The following SYF2 variants were observed in gnomAD, a reference collection of about 807,000 sequenced individuals.
The protein encoded by SYF2 is SYF2 pre-mRNA splicing factor.
A neutral mutation model predicts 32.7 loss-of-function variants in SYF2; 21 were observed. That is an observed-to-expected ratio of 0.64 (90% CI 0.45 to 0.92). The LOEUF (loss-of-function observed/expected upper bound fraction) is 0.92, where lower values mean the gene tolerates loss of function less well. Among genes scored for constraint, SYF2 ranks in the 40% least tolerant of loss-of-function variants. The pLI is 0.00. For synonymous variants in SYF2, 114 were observed against 103.9 expected, an observed-to-expected ratio of 1.10 and a Z score of -0.59; for missense variants, 278 against 296.5, an observed-to-expected ratio of 0.94 and a Z score of 0.46.
At chr1:25,228,331 A>G in intron 3 of SYF2, 96 bp from the exon 4 acceptor site, 1 of 1,062,498 alleles carries the variant, frequency 9.4e-7, no homozygotes. Flanking sequence ...ATCAACCAAT[A>G]CTTTAATAGT....
intron 5 of SYF2, among the ~76,000 whole-genome samples, chr1:25,226,787 C>A (rs1240825054): frequency 6.6e-6 from 1 of 152,094 alleles, no homozygotes; most frequent in Non-Finnish European, 1.5e-5. Context: ...GAGTTTGAGA[C>A]AGCCTGAGCA....
At chr1:25,225,616 T>C (rs893746847) in intron 5 of SYF2, among the ~76,000 whole-genome samples, 5 of 151,392 alleles carry the variant, frequency 3.3e-5, no homozygotes, top group African/African-American at 4.9e-5. Flanking sequence ...TCCCAGCACT[T>C]TGGGAGGCTG....
chr1:25,229,150 C>G lies in SYF2; in HGVS notation c.133-27G>C, dbSNP rs1011625806. 23 of 1,603,478 alleles carry G rather than the reference C, an allele frequency of 1.4e-5. No homozygotes were observed. The Admixed American group carries it at 2.4e-4, about 17-fold the overall frequency. ...TAAAACCGTAACACAAGAAGTCTGTCAGCTAAAACATGAAAATAAATCCAG... is the reference window on the plus strand; with the variant it reads ...TAAAACCGTAACACAAGAAGTCTGTGAGCTAAAACATGAAAATAAATCCAG... On this transcript the variant is annotated intron_variant, in intron 2 of 6. Coordinates refer to ENST00000236273, the MANE Select transcript of SYF2 (RefSeq NM_015484.5).
At chr1:25,230,373 T>C (rs542354162) in intron 2 of SYF2, 6 of 151,398 alleles carry the variant, frequency 4.0e-5, no homozygotes, top group Admixed American at 6.6e-5. Context: ...GCAAAATGAG[T>C]GTATCGTCTT....
At chr1:25,228,971 A>C in intron 3 of SYF2, 27 bp downstream of exon 3, 1 of 1,603,592 alleles carries the variant, frequency 6.2e-7, no homozygotes, top group Non-Finnish European at 8.5e-7. Context: ...TGACTAAATC[A>C]CTTATGAAGA....
intron 5 of SYF2, 34 bp from the exon 6 acceptor site, chr1:25,225,134 C>T (rs765590898): frequency 7.4e-7 from 1 of 1,359,852 alleles, no homozygotes; most frequent in Admixed American, 1.7e-5. Context: ...TACAGTAACA[C>T]TATAAATGCT....
In SYF2 at chr1:25,222,278, A is replaced by G. The variant is rs992984083; in HGVS notation, c.*988T>C. Among the ~76,000 whole-genome samples the G allele has an allele frequency of 1.3e-5, 2 of 152,174 alleles. No individual in the cohort carries two copies. Among genetic ancestry groups the G allele is most frequent in the African/African-American group, 4.8e-5 (2 of 41,436 alleles). On this transcript the variant is annotated 3_prime_UTR_variant, in exon 7 of 7. Coordinates refer to ENST00000236273, the MANE Select transcript of SYF2 (RefSeq NM_015484.5). Reference sequence around the variant, plus strand: ...TCTTTGAATTTAAAATATCCCAATTAGATATTTAGCATTTAATTCAACATA... The same window carrying G: ...TCTTTGAATTTAAAATATCCCAATTGGATATTTAGCATTTAATTCAACATA...
intron 3 of SYF2, among the ~76,000 whole-genome samples, chr1:25,228,588 G>A (rs925883220): frequency 6.6e-6 from 1 of 152,074 alleles, no homozygotes. Context: ...GCCAGCCTCG[G>A]CCTCCCAAAA....
chr1:25,225,047 G>A lies in SYF2; in HGVS notation c.521C>T (p.Pro174Leu). The change falls in exon 6 of 7, where the codon CCT (proline) becomes CTT (leucine). Residue 174 changes from proline to leucine, a missense_variant. Transcript: ENST00000236273. ...SNSLLHGTHV[P>L]STEEIDRMVI... ...CATCCTGTCAATTTCCTCTGTGGAA[G>A]GCACATGTGTTCCATGAAGAAGACT... 1 of 1,614,034 alleles carries A rather than the reference G, an allele frequency of 6.2e-7. No individual in the cohort carries two copies. Among genetic ancestry groups the A allele is most frequent in the Non-Finnish European group, 8.5e-7 (1 of 1,179,968 alleles).
Position 25,225,051 on chromosome 1 carries a change from C to T in SYF2, c.517G>A (p.Val173Met), listed in dbSNP as rs1356131101. 13 of 1,614,086 alleles carry T rather than the reference C, an allele frequency of 8.1e-6. No homozygotes were observed. Among genetic ancestry groups the T allele is most frequent in the African/African-American group, 5.3e-5 (4 of 75,040 alleles). ...CTGTCAATTTCCTCTGTGGAAGGCA[C>T]ATGTGTTCCATGAAGAAGACTATTG... ...TSNSLLHGTH[V>M]PSTEEIDRMV... is the part of the protein sequence containing the mutation. Residue 173 changes from valine to methionine, a missense_variant, in exon 6 of 7, where the codon GTG becomes ATG. Coordinates refer to ENST00000236273, the MANE Select transcript of SYF2 (RefSeq NM_015484.5).
chr1:25,228,304 A>C, intron 3 of SYF2, 69 bp from the exon 4 acceptor site: 1 of 1,267,508 alleles, frequency 7.9e-7, no homozygotes, highest in South Asian at 1.2e-5. Flanking sequence ...CTTTACATCA[A>C]GAAAGATCCA....
rs374329803 is a variant in SYF2, at chr1:25,228,925, C to A, written c.258+73G>T. 2.4e-4 allele frequency: 374 copies of A among 1,546,870 alleles called. 2 individuals are homozygous for A. Among genetic ancestry groups the A allele is most frequent in the Middle Eastern group, 2.2e-3 (10 of 4,550 alleles). On this transcript the variant is annotated intron_variant, in intron 3 of 6. Coordinates refer to ENST00000236273, the MANE Select transcript of SYF2 (RefSeq NM_015484.5). Reference sequence around the variant, plus strand: ...TTGGCCTAAGAGCCAGTGTATACAACCACCATGTTGTAGTGTCTTGATACA... The same window carrying A: ...TTGGCCTAAGAGCCAGTGTATACAAACACCATGTTGTAGTGTCTTGATACA...
At position 25,226,126 on chromosome 1, in the gene SYF2, C is replaced by T. The variant is rs528829427; in HGVS notation, c.468-1026G>A. Among the ~76,000 whole-genome samples the T allele has an allele frequency of 1.6e-4, 24 of 151,208 alleles. No homozygotes were observed. The South Asian group carries it at 3.5e-3, about 22-fold the overall frequency. On this transcript the variant is annotated intron_variant, in intron 5 of 6. Coordinates refer to ENST00000236273, the MANE Select transcript of SYF2 (RefSeq NM_015484.5). ...TTGCACCACTGCACTCCAGCCTGGG[C>T]GACAGAGCGAGATTCTATCTCAAAA...
At chr1:25,229,814 C>T (rs1197296855) in intron 2 of SYF2, among the ~76,000 whole-genome samples, 1 of 150,534 alleles carries the variant, frequency 6.6e-6, no homozygotes, top group African/African-American at 2.4e-5. Flanking sequence ...ATGTGAAAGA[C>T]ACTCTTTCTT....
At chr1:25,229,942 G>A (rs1165982414) in intron 2 of SYF2, among the ~76,000 whole-genome samples, 6 of 151,930 alleles carry the variant, frequency 3.9e-5, no homozygotes, top group Non-Finnish European at 7.4e-5. Context: ...TCAGCCTCCC[G>A]AGTAGCTGGG....
At chr1:25,228,349 T>C (rs1638556365) in intron 3 of SYF2, 114 bp from the exon 4 acceptor site, 4 of 946,182 alleles carry the variant, frequency 4.2e-6, no homozygotes, top group Middle Eastern at 6.3e-4. Flanking sequence ...AGTATTTTTT[T>C]AGTTGGAGTT....
rs1026118688 is a variant in SYF2 at position 25,223,537 on chromosome 1, T to C, written c.567-106A>G. The stretch of plus-strand genomic sequence containing the variant: ...ATCACGTTTAGAATAGCACATGTTG[T>C]GAGGGCTAGAGGAAGCCAGGAGAGT... On this transcript the variant is annotated intron_variant, in intron 6 of 6. Coordinates refer to ENST00000236273, the MANE Select transcript of SYF2 (RefSeq NM_015484.5). The C allele has an allele frequency of 7.8e-6, 9 of 1,151,664 alleles. No individual in the cohort carries two copies. The Middle Eastern group carries it at 1.5e-3, about 191-fold the overall frequency. 71.3% of individuals were successfully genotyped at this position (1,151,664 alleles called of 1,614,324 possible). A position where few individuals can be genotyped will look rare whatever the true frequency, so the allele number is the denominator to read the frequency against.
chr1:25,229,041 T>A lies in SYF2; in HGVS notation c.215A>T (p.Lys72Ile). Residue 72 changes from lysine (K) to isoleucine (I), a missense_variant, in exon 3 of 7, where the codon AAA becomes ATA. Transcript: ENST00000236273. ...LKLPANWEAK[K>I]ARLEWELKEE... ...CTTTAGTTCCCACTCCAAACGAGCT[T>A]TTTTGGCTTCCCAATTTGCAGGTAA... 1 of 1,614,080 alleles carries A rather than the reference T, an allele frequency of 6.2e-7. No homozygotes were observed. Among genetic ancestry groups the A allele is most frequent in the Non-Finnish European group, 8.5e-7 (1 of 1,180,016 alleles).
At chr1:25,230,048 C>T (rs182221558) in intron 2 of SYF2, among the ~76,000 whole-genome samples, 1 of 152,210 alleles carries the variant, frequency 6.6e-6, no homozygotes, top group Non-Finnish European at 1.5e-5. Context: ...AAACTCCTGG[C>T]CTCAAGTGAT....
Sources: allele counts gnomAD v4.1 joint callset (sites outside exome capture counted in the v4.1 genomes callset), GRCh38; gene constraint gnomAD v4.1.1; transcripts MANE v1.5; gene names NCBI Gene and HGNC (gene_info 2026-07-23, HGNC 2026-07-21).